Variants in FAS observed in about 807,000 individuals in gnomAD.
The protein encoded by FAS is Fas cell surface death receptor.
In FAS, 5 loss-of-function variants were observed where a neutral mutation model predicts 33.2. The ratio of observed to expected loss-of-function variants is 0.15; its 90% CI spans 0.08 to 0.32. The LOEUF (loss-of-function observed/expected upper bound fraction) is 0.32. Ranked by LOEUF, FAS falls within the 10% of genes least tolerant of loss-of-function variation. The pLI is 1.00. For synonymous variants in FAS, 131 were observed against 130.7 expected (o/e 1.00, Z -0.01); for missense variants, 339 against 386.0 (o/e 0.88, Z 1.02).
At chr10:88,984,322 T>C (rs1589429435), upstream of FAS, among the ~76,000 whole-genome samples, 1 of 151,844 alleles carries the variant, frequency 6.6e-6, no homozygotes, top group Admixed American at 6.6e-5. Flanking sequence ...AAGTGGGAGG[T>C]GTTGATCTTA....
chr10:89,010,941 C>A, intron 6 of FAS, 126 bp downstream of exon 6: 2 of 1,088,244 alleles, frequency 1.8e-6, no homozygotes, highest in Non-Finnish European at 2.8e-6. Flanking sequence ...AATTTCTTGC[C>A]CCTGAATGCA....
chr10:89,010,186 C>T (rs1012504304), intron 4 of FAS, among the ~76,000 whole-genome samples: 1 of 152,154 alleles, frequency 6.6e-6, no homozygotes, highest in African/African-American at 2.4e-5. Context: ...TTACTTTTGA[C>T]AGTTTATTTT....
At chr10:88,970,926 A>T (rs1258624108) in intron 1 of FAS, among the ~76,000 whole-genome samples, 1 of 152,144 alleles carries the variant, frequency 6.6e-6, no homozygotes. Flanking sequence ...CCCACTTAAT[A>T]TTTATACATC....
In FAS at chr10:89,014,385, C is replaced by T. The variant is rs1475820915; in HGVS notation, c.943C>T (p.Leu315Phe). 5.0e-6 allele frequency: 8 copies of T among 1,613,324 alleles called. No individual in the cohort carries two copies. The Admixed American group carries it at 1.3e-4, about 27-fold the overall frequency. The change falls in exon 9 of 9, where the codon CTC (leucine) becomes TTC (phenylalanine). Residue 315 changes from leucine (L) to phenylalanine (F), a missense_variant. By Grantham distance (22) the Leu-to-Phe change is conservative. Coordinates refer to ENST00000652046, the MANE Select transcript of FAS (RefSeq NM_000043.6). ...TGCAGAGAAAATTCAGACTATCATC[C>T]TCAAGGACATTACTAGTGACTCAGA... is the stretch of plus-strand genomic sequence containing the variant. Reference protein sequence around the residue: ...TLAEKIQTIILKDITSDSENS... With the variant: ...TLAEKIQTIIFKDITSDSENS...
chr10:89,012,207 T>A, intron 7 of FAS, 126 bp downstream of exon 7: 1 of 822,332 alleles, frequency 1.2e-6, no homozygotes, highest in Non-Finnish European at 2.0e-6. Flanking sequence ...AGATGGAGTC[T>A]TGCTCCATAG....
upstream of FAS, among the ~76,000 whole-genome samples, chr10:88,987,764 G>A (rs1662501884): frequency 6.6e-6 from 1 of 152,126 alleles, no homozygotes; most frequent in Non-Finnish European, 1.5e-5. Context: ...CACTGTGATG[G>A]TTAATTTTAT....
At chr10:88,989,790 G>T (rs1191804482), upstream of FAS, among the ~76,000 whole-genome samples, 5 of 152,232 alleles carry the variant, frequency 3.3e-5, no homozygotes, top group Non-Finnish European at 5.9e-5. Flanking sequence ...AGAGTGAGGT[G>T]CAGAGCTTGG....
intron 1 of FAS, 62 bp from the exon 2 acceptor site, chr10:89,002,967 T>C (rs1344253085): frequency 1.9e-6 from 3 of 1,601,184 alleles, no homozygotes; most frequent in Admixed American, 1.7e-5. Context: ...TGGGTTACAC[T>C]TGTTTACCAC....
In FAS at chr10:88,968,965, TC is replaced by T. The variant is rs1304699736; in HGVS notation, n.95-4211del. Among the ~76,000 whole-genome samples, 6 of 151,904 alleles carry T rather than the reference TC, an allele frequency of 3.9e-5. No individual in the cohort carries two copies. In the East Asian group the frequency reaches 1.2e-3, roughly 29 times the overall value. ...ATAAAACATTACATTATTTGATGTC[TC>T]CCCCCAACCCCCACCCCGCAATACT... On this transcript the variant is annotated intron_variant and non_coding_transcript_variant, in intron 1 of 3. Transcript: ENST00000688239.
chr10:88,991,223 G>C, intron 1 of FAS: 3 of 539,614 alleles, frequency 5.6e-6, no homozygotes, highest in Non-Finnish European at 1.0e-5. Context: ...GTGGGCGTGG[G>C]GTGCGGACAG....
In FAS at chr10:89,014,478, G is replaced by A. The variant is rs367859151; in HGVS notation, c.*28G>A. Reference sequence around the variant, plus strand: ...TGAAAAACAACAAATTCAGTTCTGAGTATATGCAATTAGTGTTTGAAAAGA... The same window carrying A: ...TGAAAAACAACAAATTCAGTTCTGAATATATGCAATTAGTGTTTGAAAAGA... On this transcript the variant is annotated 3_prime_UTR_variant, in exon 9 of 9. Coordinates refer to ENST00000652046, the MANE Select transcript of FAS (RefSeq NM_000043.6). The A allele has an allele frequency of 6.3e-7, 1 of 1,590,318 alleles. No homozygotes were observed. Among genetic ancestry groups the A allele is most frequent in the Non-Finnish European group, 8.6e-7 (1 of 1,168,688 alleles).
Position 89,016,644 on chromosome 10 carries a change from C to T in FAS, c.*2194C>T, listed in dbSNP as rs1333196628. On this transcript the variant is annotated 3_prime_UTR_variant, in exon 9 of 9. Coordinates refer to ENST00000652046, the MANE Select transcript of FAS (RefSeq NM_000043.6). ...ATGTCAATGAGCACAGCCACATTCC[C>T]GAGTTGAGGTGACCCCACGGTCCAG... 3.1e-5 allele frequency: 7 copies of T among 222,324 alleles called. No homozygotes were observed. Among genetic ancestry groups the T allele is most frequent in the African/African-American group, 6.7e-5 (3 of 44,684 alleles). The allele number at this position is 222,324 out of a possible 1,614,324, so 13.8% of individuals were successfully genotyped here.
intron 1 of FAS, among the ~76,000 whole-genome samples, chr10:88,966,716 C>T (rs2133311728): frequency 6.6e-6 from 1 of 152,282 alleles, no homozygotes; most frequent in Admixed American, 6.5e-5. Context: ...TGCAAAATGA[C>T]AATGGCACTT....
At chr10:88,968,534 CAT>C (rs570873037) in intron 1 of FAS, among the ~76,000 whole-genome samples, 573 of 152,260 alleles carry the variant, frequency 3.8e-3, no homozygotes, top group African/African-American at 0.013. Context: ...ATTTTGCACA[CAT>C]GTTTGTCGGT....
intron 1 of FAS, among the ~76,000 whole-genome samples, chr10:88,996,438 T>C (rs192168372): frequency 1.4e-4 from 22 of 152,070 alleles, no homozygotes; most frequent in Admixed American, 7.2e-4. Flanking sequence ...CAGAGGCTAG[T>C]TGGGGGCAAA....
upstream of FAS, among the ~76,000 whole-genome samples, chr10:88,990,210 G>C (rs923192362): frequency 3.3e-5 from 5 of 152,196 alleles, no homozygotes; most frequent in African/African-American, 1.2e-4. The surrounding 1 kb of genome is among the most constrained non-coding windows in gnomAD (Gnocchi z 4.9). Context: ...TTCCAGAAAC[G>C]TCTGTGAGCC....
intron 3 of FAS, among the ~76,000 whole-genome samples, chr10:89,008,402 T>A (rs1383039658): frequency 6.6e-6 from 1 of 152,216 alleles, no homozygotes; most frequent in Non-Finnish European, 1.5e-5. Flanking sequence ...CTATTCAGCC[T>A]ATAAAGCAAT....
At chr10:88,985,370 T>C (rs1184492524), upstream of FAS, among the ~76,000 whole-genome samples, 1 of 152,188 alleles carries the variant, frequency 6.6e-6, no homozygotes. Context: ...ATCAAAACTC[T>C]TTCTCCCCAT....
chr10:89,000,224 A>C (rs1270556856), intron 1 of FAS, among the ~76,000 whole-genome samples: 2 of 152,230 alleles, frequency 1.3e-5, no homozygotes, highest in East Asian at 3.8e-4. Flanking sequence ...AGAAAACTAG[A>C]AGAGCAAAAT....
Sources: gnomAD v4.1 joint callset for allele counts (sites outside exome capture counted in the v4.1 genomes callset) on GRCh38, gnomAD v4.1.1 for gene constraint, Gnocchi (gnomAD v3.1) non-coding constraint, MANE v1.5 for transcripts, NCBI Gene and HGNC (gene_info 2026-07-23, HGNC 2026-07-21) for gene names.